COPG2: variants seen among roughly 807,000 people sequenced by gnomAD.
COPG2 encodes the protein coat protein complex I subunit gamma 2, also known as coatomer subunit gamma-2.
Under a neutral mutation model 46.3 loss-of-function variants are expected in COPG2, and 37 were observed. The ratio of observed to expected loss-of-function variants is 0.80; its 90% confidence interval spans 0.61 to 1.05. COPG2 has a LOEUF of 1.05. COPG2 is among the 50% of genes least tolerant of loss of function. The pLI is 0.00. For synonymous variants in COPG2, 159 were observed against 129.7 expected (o/e 1.23, Z -1.53); for missense variants, 427 against 387.8 (o/e 1.10, Z -0.85).
intron 9 of COPG2, among the ~76,000 whole-genome samples, chr7:130,601,691 C>T (rs1584568216): frequency 6.6e-6 from 1 of 152,026 alleles, no homozygotes; most frequent in Admixed American, 6.6e-5. Context: ...GGAGGGATAG[C>T]GTTAGGAGAA....
chr7:130,612,080 T>A, intron 8 of COPG2, 72 bp downstream of exon 8: 1 of 1,063,194 alleles, frequency 9.4e-7, no homozygotes, highest in East Asian at 2.4e-5. Context: ...AGGGAATCGA[T>A]ACACTGCCCC....
chr7:130,513,290 T>TTAAA (rs1331715291), intron 20 of COPG2, among the ~76,000 whole-genome samples: 1 of 20,290 alleles, frequency 4.9e-5, no homozygotes, highest in African/African-American at 1.1e-4. Context: ...TAATTCTGTC[T>TTAAA]AAAAAAAAAA....
At chr7:130,563,944 A>T (rs988849057) in intron 10 of COPG2, among the ~76,000 whole-genome samples, 45 of 152,140 alleles carry the variant, frequency 3.0e-4, no homozygotes, top group Middle Eastern at 3.4e-3. Flanking sequence ...GGAAAACTGT[A>T]AAATGTTTTC....
intron 20 of COPG2, among the ~76,000 whole-genome samples, chr7:130,524,002 T>C (rs1799751878): frequency 3.3e-5 from 5 of 150,890 alleles, no homozygotes; most frequent in Admixed American, 3.3e-4. Context: ...GGGACAGGAG[T>C]GAGCGCTGAT....
chr7:130,620,870 G>C (rs1450512863), intron 5 of COPG2, among the ~76,000 whole-genome samples: 2 of 152,168 alleles, frequency 1.3e-5, no homozygotes, highest in African/African-American at 2.4e-5. Context: ...TTAGGGACCA[G>C]ACAGAAGCCT....
intron 8 of COPG2, 81 bp downstream of exon 8, chr7:130,612,071 G>T: frequency 1.0e-6 from 1 of 954,128 alleles, no homozygotes; most frequent in Non-Finnish European, 1.6e-6. Flanking sequence ...TGTTTATCTA[G>T]GGAATCGATA....
intron 9 of COPG2, among the ~76,000 whole-genome samples, chr7:130,572,922 T>TTC (rs1344090059): frequency 6.6e-6 from 1 of 151,886 alleles, no homozygotes. Context: ...CCAAAGTTGG[T>TTC]TCTTTGAAAA....
At chr7:130,656,271 A>G (rs1344619681) in intron 4 of COPG2, among the ~76,000 whole-genome samples, 4 of 152,062 alleles carry the variant, frequency 2.6e-5, no homozygotes, top group East Asian at 1.9e-4. Flanking sequence ...AAAAAAATCA[A>G]TGAAACAGAA....
chr7:130,659,491 T>C (rs1282829506), intron 4 of COPG2, among the ~76,000 whole-genome samples: 2 of 152,210 alleles, frequency 1.3e-5, no homozygotes, highest in Non-Finnish European at 2.9e-5. Context: ...GAACAACTTA[T>C]ATCTACCAAT....
chr7:130,653,073 C>CA, intron 4 of COPG2, 125 bp from the exon 5 acceptor site: 3 of 576,576 alleles, frequency 5.2e-6, no homozygotes, highest in South Asian at 5.0e-5. Flanking sequence ...GTCTCATCTA[C>CA]CAAAAAAAAA....
chr7:130,613,871 T>C (rs1794901147), intron 6 of COPG2, among the ~76,000 whole-genome samples: 1 of 152,142 alleles, frequency 6.6e-6, no homozygotes, highest in Non-Finnish European at 1.5e-5. Context: ...GAATAACTGT[T>C]CAACAATGAA....
chr7:130,629,367 C>T (rs1222002498), intron 5 of COPG2, among the ~76,000 whole-genome samples: 2 of 150,760 alleles, frequency 1.3e-5, no homozygotes, highest in Admixed American at 6.6e-5. Context: ...TTTCTCTCTC[C>T]TTTCTCCTTC....
chr7:130,526,805 C>T lies in COPG2; in HGVS notation c.2150-18146G>A, dbSNP rs1057342447. Among the ~76,000 whole-genome samples the T allele has an allele frequency of 8.2e-4, 100 of 121,374 alleles. 1 individual carries two copies. Among genetic ancestry groups the T allele is most frequent in the Admixed American group, 3.5e-3 (35 of 10,106 alleles). The allele number at this position is 121,374 out of a possible 152,430, so 79.6% of individuals were successfully genotyped here. A position where few individuals can be genotyped will look rare whatever the true frequency, so the allele number is the denominator to read the frequency against. On this transcript the variant is annotated intron_variant, in intron 20 of 23. Transcript: ENST00000425248. ...GAATCTTGGGCCAGGCTCTTTACTA[C>T]GGATCCGGCGGGAAAGGGTGGGTGG...
intron 20 of COPG2, among the ~76,000 whole-genome samples, chr7:130,514,100 G>A (rs1799654504): frequency 1.3e-5 from 2 of 152,214 alleles, no homozygotes; most frequent in African/African-American, 4.8e-5. Flanking sequence ...TCAAATGTTG[G>A]CTCTTAATTG....
chr7:130,575,174 T>G (rs146945097), intron 9 of COPG2, among the ~76,000 whole-genome samples: 2,474 of 152,256 alleles, frequency 0.016, 66 homozygotes, highest in African/African-American at 0.057. Flanking sequence ...GCAAGAGACC[T>G]AGACATCCAA....
At chr7:130,667,428 A>C (rs1796108876) in intron 2 of COPG2, 54 bp downstream of exon 2, 4 of 1,444,176 alleles carry the variant, frequency 2.8e-6, no homozygotes. Flanking sequence ...TTCTCTGCCC[A>C]CCACTCTAAA....
At chr7:130,643,552 T>C (rs1795532838) in intron 5 of COPG2, among the ~76,000 whole-genome samples, 1 of 152,160 alleles carries the variant, frequency 6.6e-6, no homozygotes, top group Admixed American at 6.5e-5. Flanking sequence ...AACTTCAACG[T>C]TCGGGGTTCT....
At chr7:130,554,937 T>C (rs968755292) in intron 13 of COPG2, 100 bp downstream of exon 13, 55 of 397,620 alleles carry the variant, frequency 1.4e-4, no homozygotes, top group African/African-American at 1.0e-3. Flanking sequence ...TTGAGAGGCA[T>C]ACTGAGATGA....
Position 130,663,031 on chromosome 7 carries a change from T to G in COPG2, c.179A>C (p.His60Pro). Residue 60 changes from histidine (H) to proline (P), a missense_variant, in exon 4 of 24, where the codon CAC (histidine) becomes CCC (proline). Coordinates refer to ENST00000425248, the MANE Select transcript of COPG2 (RefSeq NM_012133.6). The part of the protein sequence containing the change: ...KILYLLNQGE[H>P]FGTTEATEAF... ...TTCTGTAGCTTCCGTTGTTCCAAAG[T>G]GTTCACCCTAAGTAAAATTTAAAAC... 1.3e-6 allele frequency: 2 copies of G among 1,532,436 alleles called. No individual in the cohort carries two copies. The highest frequency in any genetic ancestry group is 1.3e-5 in the South Asian group (1 of 79,060). The allele number at this position is 1,532,436 out of a possible 1,614,324, so 94.9% of individuals were successfully genotyped here. A position where few individuals can be genotyped will look rare whatever the true frequency, so the allele number is the denominator to read the frequency against.
Sources: gnomAD v4.1 joint callset for allele counts (sites outside exome capture counted in the v4.1 genomes callset) on GRCh38, gnomAD v4.1.1 for gene constraint, MANE v1.5 for transcripts, NCBI Gene and HGNC (gene_info 2026-07-23, HGNC 2026-07-21) for gene names.